Variants in CASTOR2 observed in about 807,000 individuals in gnomAD.
CASTOR2 encodes cytosolic arginine sensor for mTORC1 subunit 2, also known as GATS protein like 2.
A neutral mutation model predicts 31.2 loss-of-function variants in CASTOR2; 8 were observed. That is an observed-to-expected ratio of 0.26 (90% CI 0.15 to 0.46). CASTOR2 has a LOEUF of 0.46. Among genes scored for constraint, CASTOR2 ranks in the 20% least tolerant of loss-of-function variants. CASTOR2 has a pLI of 0.99. For missense variants in CASTOR2, 216 were observed against 382.1 expected, an observed-to-expected ratio of 0.57 and a Z score of 3.62; for synonymous variants, 162 against 158.7, an observed-to-expected ratio of 1.02 and a Z score of -0.16.
intron 7 of CASTOR2, 55 bp downstream of exon 7, chr7:75,022,011 A>G: frequency 1.3e-6 from 2 of 1,544,984 alleles, no homozygotes; most frequent in Admixed American, 2.0e-5. Flanking sequence ...TGCTGAGCCC[A>G]TTCACATACG....
chr7:74,991,403 C>A (rs1804208619), intron 1 of CASTOR2, among the ~76,000 whole-genome samples: 1 of 152,204 alleles, frequency 6.6e-6, no homozygotes, highest in African/African-American at 2.4e-5. Context: ...TGGCACACCA[C>A]CCTCCTGTCC....
intron 1 of CASTOR2, among the ~76,000 whole-genome samples, chr7:74,989,606 G>C (rs1165820655): frequency 6.7e-6 from 1 of 148,982 alleles, no homozygotes; most frequent in Non-Finnish European, 1.5e-5. Context: ...TGTAGAGATG[G>C]GATCTCACTA....
chr7:74,991,216 G>GT (rs1554437307), intron 1 of CASTOR2, among the ~76,000 whole-genome samples: 2 of 152,152 alleles, frequency 1.3e-5, no homozygotes, highest in African/African-American at 2.4e-5. Flanking sequence ...AGTGGGAGAC[G>GT]CAGTGGCCTT....
chr7:75,017,853 C>T (rs1804901401), intron 3 of CASTOR2, 62 bp downstream of exon 3: 2 of 1,613,874 alleles, frequency 1.2e-6, no homozygotes, highest in Non-Finnish European at 1.7e-6. Flanking sequence ...CACTCACTCC[C>T]ATCTCCCACC....
At position 74,972,625 on chromosome 7, in the gene CASTOR2, T is replaced by C. The variant is rs1333032434; in HGVS notation, c.113+7527T>C. ...GCACTGGGTCATTCGTGTTCCTACA[T>C]GCAGGAAATCTTGCAAACGAGCCAT... On this transcript the variant is annotated intron_variant, in intron 1 of 8. Coordinates refer to ENST00000616305, the MANE Select transcript of CASTOR2 (RefSeq NM_001145064.3). Among the ~76,000 whole-genome samples, 2 of 150,110 alleles carry C rather than the reference T, an allele frequency of 1.3e-5. 1 individual carries two copies. The highest frequency in any genetic ancestry group is 3.0e-5 in the Non-Finnish European group (2 of 67,322).
intron 7 of CASTOR2, 105 bp downstream of exon 7, chr7:75,022,061 G>T (rs1251809086): frequency 2.2e-6 from 3 of 1,365,570 alleles, no homozygotes; most frequent in African/African-American, 1.4e-5. Flanking sequence ...GGGTACAGAT[G>T]GGGAGACTGA....
intron 1 of CASTOR2, among the ~76,000 whole-genome samples, chr7:75,006,104 G>A (rs1371986605): frequency 2.0e-5 from 3 of 152,142 alleles, no homozygotes; most frequent in Admixed American, 6.6e-5. Flanking sequence ...CACTAGCCTC[G>A]GTGACAGGGT....
rs1316286458 is a variant in CASTOR2 at position 75,026,955 on chromosome 7, A to G, written c.*2256A>G. On this transcript the variant is annotated 3_prime_UTR_variant, in exon 9 of 9. Coordinates refer to ENST00000616305, the MANE Select transcript of CASTOR2 (RefSeq NM_001145064.3). ...ACACACCTATAAATACCTGTGTTTT[A>G]TGTTGATAGAGATATATACTGTAAA... Among the ~76,000 whole-genome samples, 2 of 152,192 alleles carry G rather than the reference A, an allele frequency of 1.3e-5. No individual in the cohort carries two copies. The highest frequency in any genetic ancestry group is 2.1e-4 in the South Asian group (1 of 4,824).
At position 75,018,962 on chromosome 7, in the gene CASTOR2, G is replaced by T; in HGVS notation, c.512-10G>T. ...CAGCCTCAGTGCCTGACATCTTTGT[G>T]CTCTTACAGTCCAGAGGCCAGTCAT... On this transcript the variant is annotated splice_polypyrimidine_tract_variant and intron_variant, in intron 4 of 8. Transcript: ENST00000616305. The T allele has an allele frequency of 7.1e-6, 11 of 1,551,886 alleles. No homozygotes were observed. The highest frequency in any genetic ancestry group is 9.6e-6 in the Non-Finnish European group (11 of 1,146,976).
intron 2 of CASTOR2, among the ~76,000 whole-genome samples, chr7:75,009,643 T>A (rs1289433469): frequency 3.3e-5 from 5 of 151,664 alleles, no homozygotes; most frequent in Non-Finnish European, 5.9e-5. Context: ...TGGAAAACAT[T>A]AATGGAGGGG....
rs1804487188 is a variant in CASTOR2 at position 75,001,217 on chromosome 7, C to A, written c.114-6777C>A. ...TCTGCCTCCTGAGTAGCTGAGACTA[C>A]AGGGGCACACCACCATGCTCAGGTA... On this transcript the variant is annotated intron_variant, in intron 1 of 8. Transcript: ENST00000616305. Among the ~76,000 whole-genome samples, 5 of 152,244 alleles carry A rather than the reference C, an allele frequency of 3.3e-5. No individual in the cohort carries two copies. The South Asian group carries it at 1.0e-3, about 32-fold the overall frequency.
intron 4 of CASTOR2, 86 bp from the exon 5 acceptor site, chr7:75,018,886 C>G: frequency 6.5e-7 from 1 of 1,549,688 alleles, no homozygotes; most frequent in East Asian, 2.4e-5. Flanking sequence ...CTGAGCCCTC[C>G]CCAGCCCTCT....
chr7:75,010,860 T>C lies in CASTOR2; in HGVS notation c.184+2796T>C, dbSNP rs1349422131. ...GATTTGTTTTTTTGTCTCTCTCTTT[T>C]TTTTTTCTTTGAGACAGAGTCTCAC... On this transcript the variant is annotated intron_variant, in intron 2 of 8. Transcript: ENST00000616305. Among the ~76,000 whole-genome samples the C allele has an allele frequency of 3.5e-3, 529 of 152,092 alleles. 6 individuals are homozygous for C. The highest frequency in any genetic ancestry group is 0.012 in the African/African-American group (503 of 41,518).
intron 1 of CASTOR2, among the ~76,000 whole-genome samples, chr7:75,005,325 T>G (rs1175047678): frequency 6.6e-6 from 1 of 152,220 alleles, no homozygotes; most frequent in Non-Finnish European, 1.5e-5. Flanking sequence ...GAATGTCATA[T>G]GAATAGAAAC....
chr7:75,011,019 A>AT (rs1441116122), intron 2 of CASTOR2, among the ~76,000 whole-genome samples: 3 of 151,902 alleles, frequency 2.0e-5, no homozygotes, highest in African/African-American at 7.3e-5. Flanking sequence ...TGCCCGGCTA[A>AT]TTTTTTTGTA....
chr7:75,020,744 C>T (rs956525474), intron 6 of CASTOR2, among the ~76,000 whole-genome samples: 3 of 152,074 alleles, frequency 2.0e-5, no homozygotes, highest in Non-Finnish European at 4.4e-5. Context: ...CCGCCCCGGC[C>T]TCCCAAAGTG....
Position 75,014,019 on chromosome 7 carries a change from G to A in CASTOR2, c.185-3579G>A, listed in dbSNP as rs1376405757. Among the ~76,000 whole-genome samples, 28 of 152,146 alleles carry A rather than the reference G, an allele frequency of 1.8e-4. No individual in the cohort carries two copies. The South Asian group carries it at 2.5e-3, about 14-fold the overall frequency. ...ACTGGGATTACAGGCATGAGCCACCGTACCCGGCCTCTTTTAAGTATTTCG... is the reference window on the plus strand; with the variant it reads ...ACTGGGATTACAGGCATGAGCCACCATACCCGGCCTCTTTTAAGTATTTCG... On this transcript the variant is annotated intron_variant, in intron 2 of 8. Transcript: ENST00000616305.
At chr7:75,022,745 G>A (rs1805035013) in intron 7 of CASTOR2, among the ~76,000 whole-genome samples, 1 of 152,180 alleles carries the variant, frequency 6.6e-6, no homozygotes, top group Non-Finnish European at 1.5e-5. Flanking sequence ...GTTGCGATGA[G>A]CCAAGATCGC....
intron 1 of CASTOR2, among the ~76,000 whole-genome samples, chr7:74,989,364 C>G (rs1350533797): frequency 6.6e-6 from 1 of 151,732 alleles, no homozygotes; most frequent in Non-Finnish European, 1.5e-5. Flanking sequence ...TCAAGCAGTC[C>G]TCCTGCCTCA....
Sources: gnomAD v4.1 joint callset for allele counts (sites outside exome capture counted in the v4.1 genomes callset) on GRCh38, gnomAD v4.1.1 for gene constraint, MANE v1.5 for transcripts, NCBI Gene and HGNC (gene_info 2026-07-23, HGNC 2026-07-21) for gene names.